ADGRL3: variants seen among roughly 807,000 people sequenced by gnomAD.
ADGRL3 encodes adhesion G protein-coupled receptor L3.
ADGRL3 carries 62 observed loss-of-function variants against 153.5 expected under a neutral mutation model. That is an observed-to-expected ratio of 0.40 (90% confidence interval 0.33 to 0.50). ADGRL3 has a LOEUF of 0.50. Among genes scored for constraint, ADGRL3 ranks in the 20% least tolerant of loss-of-function variants. The pLI is 0.47. For missense variants in ADGRL3, 1,641 were observed against 1,859.4 expected, an observed-to-expected ratio of 0.88 and a Z score of 2.16; for synonymous variants, 710 against 672.5, an observed-to-expected ratio of 1.06 and a Z score of -0.86.
At chr4:61,727,071 T>C (rs1225489856) in intron 6 of ADGRL3, among the ~76,000 whole-genome samples, 1 of 152,166 alleles carries the variant, frequency 6.6e-6, no homozygotes, top group Non-Finnish European at 1.5e-5. Context: ...CTTTTCTAAT[T>C]AAACAATGCA....
At chr4:61,778,912 G>T (rs753259760) in intron 8 of ADGRL3, among the ~76,000 whole-genome samples, 6 of 152,096 alleles carry the variant, frequency 3.9e-5, no homozygotes, top group Admixed American at 2.0e-4. Flanking sequence ...ACAAAAATTA[G>T]CTGGGCACGG....
chr4:61,819,807 T>C (rs1458943075), intron 9 of ADGRL3, among the ~76,000 whole-genome samples: 1 of 152,120 alleles, frequency 6.6e-6, no homozygotes, highest in Non-Finnish European at 1.5e-5. Context: ...TGATACTTAC[T>C]TTTTATAATA....
At chr4:61,565,633 G>A (rs1269220022) in intron 4 of ADGRL3, among the ~76,000 whole-genome samples, 2 of 152,180 alleles carry the variant, frequency 1.3e-5, no homozygotes, top group Admixed American at 6.5e-5. Flanking sequence ...TGCCTTCCGG[G>A]TTCAAGCGAT....
intron 8 of ADGRL3, among the ~76,000 whole-genome samples, chr4:61,773,162 C>T (rs1368115400): frequency 6.6e-6 from 1 of 152,104 alleles, no homozygotes; most frequent in African/African-American, 2.4e-5. Flanking sequence ...ATGCACTTGT[C>T]CAGGTGGATA....
At chr4:61,936,973 T>C (rs1225050855) in intron 15 of ADGRL3, among the ~76,000 whole-genome samples, 1 of 152,206 alleles carries the variant, frequency 6.6e-6, no homozygotes, top group East Asian at 1.9e-4. Flanking sequence ...TTACATTTGT[T>C]GTCATCTGAA....
At position 61,587,283 on chromosome 4, in the gene ADGRL3, A is replaced by C. The variant is rs1446501338; in HGVS notation, c.316A>C (p.Ser106Arg). ...AVVRRELSCE[S>R]YPIELRCPGT... The stretch of plus-strand genomic sequence containing the variant: ...GGTCCGCAGAGAGCTATCCTGTGAG[A>C]GCTATCCTATAGAGCTTCGCTGTCC... The change falls in exon 5 of 27, where the codon AGC becomes CGC. Residue 106 changes from serine (S) to arginine (R), a missense_variant. By Grantham distance (110) the Ser-to-Arg change is moderately radical (BLOSUM62 -1). Coordinates refer to ENST00000683033, the MANE Select transcript of ADGRL3 (RefSeq NM_001387552.1). 6.2e-7 allele frequency: 1 copy of C among 1,610,834 alleles called. No individual in the cohort carries two copies. Among genetic ancestry groups the C allele is most frequent in the Non-Finnish European group, 8.5e-7 (1 of 1,178,472 alleles).
At chr4:61,259,435 TAAA>T (rs1372006466) in intron 1 of ADGRL3, among the ~76,000 whole-genome samples, 1 of 71,944 alleles carries the variant, frequency 1.4e-5, no homozygotes, top group Non-Finnish European at 3.2e-5. Flanking sequence ...AATAAATAAA[TAAA>T]TAAATAAATA....
intron 17 of ADGRL3, among the ~76,000 whole-genome samples, chr4:61,972,534 T>C (rs1401844895): frequency 6.6e-6 from 1 of 152,098 alleles, no homozygotes; most frequent in African/African-American, 2.4e-5. Flanking sequence ...TTTTGGTAGC[T>C]GTACCATGCT....
chr4:61,998,272 G>T lies in ADGRL3; in HGVS notation c.3395+7G>T, dbSNP rs1002023963. On this transcript the variant is annotated splice_region_variant and intron_variant, in intron 21 of 26. Transcript: ENST00000683033. ...GCTGTCTTGATAACATCAAGTAAGT[G>T]ATTTTTATTTTTGTTTTCTATAGGT... 1.3e-6 allele frequency: 2 copies of T among 1,482,770 alleles called. No homozygotes were observed. The highest frequency in any genetic ancestry group is 1.8e-6 in the Non-Finnish European group (2 of 1,094,958). The allele number at this position is 1,482,770 out of a possible 1,614,324, so 91.9% of individuals were successfully genotyped here.
chr4:61,618,296 A>T, intron 5 of ADGRL3, among the ~76,000 whole-genome samples: 1 of 152,228 alleles, frequency 6.6e-6, no homozygotes, highest in East Asian at 1.9e-4. Flanking sequence ...GATTATCGTT[A>T]ATGCTTGTTT....
At chr4:61,632,404 C>G (rs565688983) in intron 5 of ADGRL3, among the ~76,000 whole-genome samples, 36 of 152,226 alleles carry the variant, frequency 2.4e-4, no homozygotes, top group African/African-American at 8.2e-4. Context: ...TAGTCATCAT[C>G]AAAGCATATA....
chr4:61,975,361 A>T (rs942653584), intron 17 of ADGRL3, among the ~76,000 whole-genome samples: 1 of 152,136 alleles, frequency 6.6e-6, no homozygotes, highest in Non-Finnish European at 1.5e-5. Context: ...AGTCCAAAGG[A>T]GCATCAGATG....
chr4:61,652,763 CT>C (rs1157278925), intron 5 of ADGRL3, among the ~76,000 whole-genome samples: 1 of 152,126 alleles, frequency 6.6e-6, no homozygotes, highest in African/African-American at 2.4e-5. Context: ...CTTTTTCCCC[CT>C]GTAAGAACAG....
At chr4:61,812,561 T>C (rs990215044) in intron 8 of ADGRL3, among the ~76,000 whole-genome samples, 5 of 152,206 alleles carry the variant, frequency 3.3e-5, no homozygotes, top group African/African-American at 1.2e-4. Flanking sequence ...CATATTCCCA[T>C]TGTAGAAAGA....
chr4:61,696,670 C>CATTT lies in ADGRL3; in HGVS notation c.583+19735_583+19736insATTT, dbSNP rs2095648230. Among the ~76,000 whole-genome samples, 3 of 102,014 alleles carry CATTT rather than the reference C, an allele frequency of 2.9e-5. No individual in the cohort carries two copies. In the South Asian group the frequency reaches 1.1e-3, roughly 37 times the overall value. 66.9% of individuals were successfully genotyped at this position (102,014 alleles called of 152,430 possible). A position where few individuals can be genotyped will look rare whatever the true frequency, so the allele number is the denominator to read the frequency against. On this transcript the variant is annotated intron_variant, in intron 6 of 26. Coordinates refer to ENST00000683033, the MANE Select transcript of ADGRL3 (RefSeq NM_001387552.1). ...TTCCCTAAGTTCCTTTTTTTTTAAC[C>CATTT]TTTTTTTTTTTTTTTTTTTTTGTGA...
At chr4:61,697,431 G>A (rs985098655) in intron 6 of ADGRL3, among the ~76,000 whole-genome samples, 1 of 151,822 alleles carries the variant, frequency 6.6e-6, no homozygotes, top group South Asian at 2.1e-4. Context: ...ATGGTGGCAG[G>A]TGCCTGTAAT....
chr4:61,610,609 A>G (rs957759360), intron 5 of ADGRL3, among the ~76,000 whole-genome samples: 17 of 152,202 alleles, frequency 1.1e-4, no homozygotes, highest in African/African-American at 3.1e-4. Flanking sequence ...CATTGAATTT[A>G]TAGTGAGACG....
At chr4:61,964,886 G>A (rs559411725) in intron 17 of ADGRL3, among the ~76,000 whole-genome samples, 2 of 151,948 alleles carry the variant, frequency 1.3e-5, no homozygotes, top group Non-Finnish European at 2.9e-5. Flanking sequence ...TTTCAATTGT[G>A]TATACTGTTC....
chr4:61,734,477 CAAG>C (rs2096483575), intron 8 of ADGRL3, among the ~76,000 whole-genome samples: 2 of 152,142 alleles, frequency 1.3e-5, no homozygotes, highest in Admixed American at 6.6e-5. Flanking sequence ...GCATGTCTTA[CAAG>C]GCAGCAGGCA....
Sources: allele counts gnomAD v4.1 joint callset (sites outside exome capture counted in the v4.1 genomes callset), GRCh38; gene constraint gnomAD v4.1.1; transcripts MANE v1.5; gene names NCBI Gene and HGNC (gene_info 2026-07-23, HGNC 2026-07-21).